The following STAG1 variants were observed in gnomAD, a reference collection of about 807,000 sequenced individuals.
STAG1 encodes STAG1 cohesin complex component.
A neutral mutation model predicts 170.9 loss-of-function variants in STAG1; 26 were observed. The ratio of observed to expected loss-of-function variants is 0.15; its 90% CI spans 0.11 to 0.21. The LOEUF (loss-of-function observed/expected upper bound fraction) is 0.21, where lower values mean the gene tolerates loss of function less well. Among genes scored for constraint, STAG1 ranks in the 10% least tolerant of loss-of-function variants. STAG1 has a pLI of 1.00. For synonymous variants in STAG1, 514 were observed against 497.7 expected (o/e 1.03, Z -0.44); for missense variants, 964 against 1,509.5 (o/e 0.64, Z 5.99).
chr3:136,560,303 A>C (rs1437315698), intron 5 of STAG1, among the ~76,000 whole-genome samples: 1 of 152,244 alleles, frequency 6.6e-6, no homozygotes, highest in Non-Finnish European at 1.5e-5. Flanking sequence ...CACATCTGTC[A>C]ATGAAAACTA....
chr3:136,609,449 G>C lies in STAG1; in HGVS notation c.133-4976C>G, dbSNP rs1939145773. ...TATATACACACACACATATATACAT[G>C]TAAAAGGTATAAAGAAAAGGGAAAA... On this transcript the variant is annotated intron_variant, in intron 3 of 33. Transcript: ENST00000383202. 5 of 149,944 alleles carry C rather than the reference G, an allele frequency of 3.3e-5. No homozygotes were observed. In the Admixed American group the frequency reaches 3.3e-4, roughly 10 times the overall value. 9.3% of individuals were successfully genotyped at this position (149,944 alleles called of 1,614,324 possible).
intron 1 of STAG1, among the ~76,000 whole-genome samples, chr3:136,676,077 T>A (rs1206434548): frequency 6.6e-6 from 1 of 152,246 alleles, no homozygotes; most frequent in Admixed American, 6.5e-5. Context: ...AACACAATAG[T>A]AAGCCATTTG....
intron 13 of STAG1, among the ~76,000 whole-genome samples, chr3:136,463,836 TATAC>T (rs901235706): frequency 4.8e-5 from 7 of 145,128 alleles, no homozygotes; most frequent in African/African-American, 1.8e-4. Flanking sequence ...TATATACATA[TATAC>T]ATACATATAT....
intron 1 of STAG1, among the ~76,000 whole-genome samples, chr3:136,698,900 A>T (rs1280964953): frequency 3.3e-5 from 5 of 152,242 alleles, no homozygotes; most frequent in African/African-American, 1.2e-4. Flanking sequence ...GAATGAAATA[A>T]TGTCTTTCAC....
At chr3:136,394,750 C>T (rs1205376469) in intron 22 of STAG1, among the ~76,000 whole-genome samples, 2 of 151,728 alleles carry the variant, frequency 1.3e-5, no homozygotes, top group Middle Eastern at 3.4e-3. Context: ...GTTGGGAGTT[C>T]GAGACCAGCC....
intron 7 of STAG1, among the ~76,000 whole-genome samples, chr3:136,507,664 G>C (rs1933836850): frequency 6.6e-6 from 1 of 151,946 alleles, no homozygotes; most frequent in Non-Finnish European, 1.5e-5. Context: ...CGTAGTGCCT[G>C]GTCTACTTTG....
At chr3:136,438,130 G>C (rs575066270) in intron 15 of STAG1, among the ~76,000 whole-genome samples, 94 of 151,842 alleles carry the variant, frequency 6.2e-4, no homozygotes, top group Admixed American at 1.4e-3. Context: ...GCATCTCCTA[G>C]AACATAACAT....
At chr3:136,734,033 G>A (rs2107943052) in intron 1 of STAG1, among the ~76,000 whole-genome samples, 1 of 151,666 alleles carries the variant, frequency 6.6e-6, no homozygotes, top group Admixed American at 6.6e-5. Flanking sequence ...CGTGAATCCG[G>A]GAGGCAGAGC....
intron 4 of STAG1, among the ~76,000 whole-genome samples, chr3:136,599,885 A>C: frequency 6.6e-6 from 1 of 152,172 alleles, no homozygotes; most frequent in Non-Finnish European, 1.5e-5. Context: ...TCTTCAACAT[A>C]CATATTCATT....
intron 7 of STAG1, among the ~76,000 whole-genome samples, chr3:136,514,886 G>A (rs1477104001): frequency 6.6e-6 from 1 of 152,054 alleles, no homozygotes; most frequent in African/African-American, 2.4e-5. Context: ...CACAGGGTGG[G>A]GAACGTCACA....
intron 3 of STAG1, among the ~76,000 whole-genome samples, chr3:136,622,828 A>G (rs1442615699): frequency 1.3e-5 from 2 of 152,358 alleles, no homozygotes; most frequent in Middle Eastern, 3.4e-3. Flanking sequence ...TTGGGAGCTC[A>G]TAAGAAATCA....
chr3:136,502,456 G>T (rs939272582), intron 8 of STAG1, among the ~76,000 whole-genome samples, 172 bp downstream of exon 8: 2 of 151,930 alleles, frequency 1.3e-5, no homozygotes, highest in African/African-American at 4.8e-5. Flanking sequence ...GCCATCAGAC[G>T]GCACTTACAT....
At position 136,684,732 on chromosome 3, in the gene STAG1, C is replaced by T. The variant is rs139100647; in HGVS notation, c.-83-53751G>A. On this transcript the variant is annotated intron_variant, in intron 1 of 33. Coordinates refer to ENST00000383202, the MANE Select transcript of STAG1 (RefSeq NM_005862.3). ...TGGAGGTTGCAGTGAGCCAAGATCA[C>T]GACACTGTACTCCAGACTGGGCAAC... Among the ~76,000 whole-genome samples the T allele has an allele frequency of 1.2e-3, 177 of 142,882 alleles. 1 individual carries two copies. The highest frequency in any genetic ancestry group is 4.5e-3 in the African/African-American group (170 of 37,674). The allele number at this position is 142,882 out of a possible 152,430, so 93.7% of individuals were successfully genotyped here.
chr3:136,629,757 G>A (rs11919030), intron 2 of STAG1, among the ~76,000 whole-genome samples: 52,205 of 151,986 alleles, frequency 0.34, 11,285 homozygotes, highest in East Asian at 0.8. Context: ...ATAAATAACT[G>A]CTTAAAGTGC....
At position 136,466,238 on chromosome 3, in the gene STAG1, G is replaced by T. The variant is rs1017006782; in HGVS notation, c.1206-1250C>A. Among the ~76,000 whole-genome samples, 44 of 152,264 alleles carry T rather than the reference G, an allele frequency of 2.9e-4. 1 individual carries two copies. Among genetic ancestry groups the T allele is most frequent in the African/African-American group, 1.0e-3 (43 of 41,558 alleles). On this transcript the variant is annotated intron_variant, in intron 12 of 33. Coordinates refer to ENST00000383202, the MANE Select transcript of STAG1 (RefSeq NM_005862.3). ...GGAGGAAGTTGGAGCCCATCGCAAA[G>T]AAGCTAAAAACCTTGAAAAAAGACT...
At chr3:136,655,505 T>C (rs1941342385) in intron 1 of STAG1, among the ~76,000 whole-genome samples, 1 of 152,232 alleles carries the variant, frequency 6.6e-6, no homozygotes, top group African/African-American at 2.4e-5. Context: ...GGCTTATGCA[T>C]GTAATCCCAG....
At chr3:136,543,950 G>C (rs986363760) in intron 5 of STAG1, among the ~76,000 whole-genome samples, 2 of 152,068 alleles carry the variant, frequency 1.3e-5, no homozygotes, top group Non-Finnish European at 2.9e-5. Context: ...AAAAGCTCCA[G>C]TTCCTAAGTT....
At chr3:136,471,122 A>T (rs1425441675) in intron 12 of STAG1, among the ~76,000 whole-genome samples, 1 of 12,582 alleles carries the variant, frequency 7.9e-5, no homozygotes, top group Middle Eastern at 0.029. Context: ...AGTTAAATTA[A>T]AAAAAAAAAA....
intron 28 of STAG1, among the ~76,000 whole-genome samples, chr3:136,349,706 G>A (rs1465059968): frequency 6.6e-6 from 1 of 152,188 alleles, no homozygotes; most frequent in Non-Finnish European, 1.5e-5. Context: ...AAGTGTTCAA[G>A]CCAAAGCAGG....
Sources: allele counts gnomAD v4.1 joint callset (sites outside exome capture counted in the v4.1 genomes callset), GRCh38; gene constraint gnomAD v4.1.1; transcripts MANE v1.5; gene names NCBI Gene and HGNC (gene_info 2026-07-23, HGNC 2026-07-21).